The following PRR33 variants were observed in gnomAD, a reference collection of about 807,000 sequenced individuals.
PRR33 encodes the protein proline-rich protein 33.
In PRR33, 1 loss-of-function variant was observed where a neutral mutation model predicts 0.5. The observed-to-expected ratio is 2.18, with a 90% confidence interval of 0.77 to 10.34. The LOEUF (loss-of-function observed/expected upper bound fraction) is 10.34, where lower values mean the gene tolerates loss of function less well. PRR33 is among the 30% of genes most tolerant of loss of function. PRR33 has a pLI of 0.13. For synonymous variants in PRR33, 226 were observed against 110.0 expected, an observed-to-expected ratio of 2.06 and a Z score of -6.60; for missense variants, 552 against 251.8, an observed-to-expected ratio of 2.19 and a Z score of -8.07.
At chr11:1,896,878 T>C (rs543491651), upstream of PRR33, among the ~76,000 whole-genome samples, 229 of 152,368 alleles carry the variant, frequency 1.5e-3, 1 homozygote, top group African/African-American at 5.4e-3. Flanking sequence ...GCTTTTTCTG[T>C]ACTGTTAAAA....
chr11:1,893,015 A>C (rs1433741180), upstream of PRR33, among the ~76,000 whole-genome samples: 7 of 150,492 alleles, frequency 4.7e-5, no homozygotes, highest in Admixed American at 4.6e-4. Context: ...GGATGGATTG[A>C]TGGATGGATG....
At chr11:1,894,094 G>T (rs1241959148), upstream of PRR33, among the ~76,000 whole-genome samples, 85 of 4,678 alleles carry the variant, frequency 0.018, no homozygotes, top group Non-Finnish European at 0.031. Flanking sequence ...GCCTCACTCT[G>T]TTTCCCGGGC....
chr11:1,895,647 C>T (rs1465433106), upstream of PRR33, among the ~76,000 whole-genome samples: 1 of 152,274 alleles, frequency 6.6e-6, no homozygotes, highest in East Asian at 1.9e-4. Context: ...AGATTTTCTC[C>T]TGTGTTTTTA....
chr11:1,901,985 C>T, the PRR33 span, among the ~76,000 whole-genome samples: 5 of 152,280 alleles, frequency 3.3e-5, no homozygotes, highest in Admixed American at 3.3e-4. Context: ...GTAATCCCAG[C>T]ACTTTGGGAG....
chr11:1,901,363 C>T, the PRR33 span, among the ~76,000 whole-genome samples: 5 of 151,630 alleles, frequency 3.3e-5, no homozygotes, highest in South Asian at 6.2e-4. Flanking sequence ...TGTCTCTCAC[C>T]GTCTCAGTCA....
At chr11:1,894,210 G>A (rs1339343725), upstream of PRR33, among the ~76,000 whole-genome samples, 4 of 138,148 alleles carry the variant, frequency 2.9e-5, no homozygotes, top group Non-Finnish European at 4.7e-5. Context: ...TGTTTCCCAG[G>A]CTGGGAGTGT....
At chr11:1,915,695 G>A in the PRR33 span, among the ~76,000 whole-genome samples, 1 of 124,268 alleles carries the variant, frequency 8.0e-6, no homozygotes, top group Non-Finnish European at 1.8e-5. Context: ...CTGTGTGTGT[G>A]TGTGTTGTGG....
chr11:1,914,980 G>A, the PRR33 span, among the ~76,000 whole-genome samples: 2 of 148,728 alleles, frequency 1.3e-5, no homozygotes, highest in South Asian at 2.1e-4. Flanking sequence ...GTGTGTGTTG[G>A]GTGTACAAAC....
chr11:1,917,283 G>A, the PRR33 span, among the ~76,000 whole-genome samples: 1 of 152,320 alleles, frequency 6.6e-6, no homozygotes, highest in South Asian at 2.1e-4. Flanking sequence ...TGCGCACTGG[G>A]TGCTGGGACC....
chr11:1,895,423 G>A (rs528626), upstream of PRR33, among the ~76,000 whole-genome samples: 39,296 of 152,158 alleles, frequency 0.26, 5,757 homozygotes, highest in East Asian at 0.43. Flanking sequence ...GTGAGCCACC[G>A]TGAGAGTTCT....
chr11:1,892,619 G>T (rs1279126052), upstream of PRR33, among the ~76,000 whole-genome samples: 3 of 152,280 alleles, frequency 2.0e-5, no homozygotes, highest in Non-Finnish European at 2.9e-5. Context: ...CTCAGTGAAG[G>T]TTTGGAAAAC....
chr11:1,911,128 T>C, the PRR33 span, among the ~76,000 whole-genome samples: 2 of 152,316 alleles, frequency 1.3e-5, no homozygotes, highest in African/African-American at 4.8e-5. Flanking sequence ...GGTTTGTGGT[T>C]TTTACATCTT....
upstream of PRR33, among the ~76,000 whole-genome samples, chr11:1,895,413 G>A (rs549870815): frequency 3.3e-3 from 503 of 152,304 alleles, 1 homozygote; most frequent in South Asian, 0.011. Flanking sequence ...GATTACAGGC[G>A]TGAGCCACCG....
chr11:1,897,553 C>T, the PRR33 span, among the ~76,000 whole-genome samples: 1 of 152,152 alleles, frequency 6.6e-6, no homozygotes, highest in Admixed American at 6.5e-5. The surrounding 1 kb of genome is among the most constrained non-coding windows in gnomAD (Gnocchi z 4.0). Context: ...TGGTCTGGTC[C>T]GTTGGGGCCT....
At chr11:1,893,341 A>C (rs1164723784), upstream of PRR33, among the ~76,000 whole-genome samples, 2 of 146,270 alleles carry the variant, frequency 1.4e-5, no homozygotes, top group Non-Finnish European at 3.0e-5. Context: ...GGATGAGTGA[A>C]TGGGTAAGCA....
the PRR33 span, among the ~76,000 whole-genome samples, chr11:1,900,880 T>C: frequency 6.6e-6 from 1 of 152,350 alleles, no homozygotes; most frequent in South Asian, 2.1e-4. Flanking sequence ...TTGGATACTA[T>C]AGGGGCCCTT....
At chr11:1,915,249 A>ATG in the PRR33 span, among the ~76,000 whole-genome samples, 1 of 128,002 alleles carries the variant, frequency 7.8e-6, no homozygotes, top group Non-Finnish European at 1.6e-5. Flanking sequence ...TGATATTGCT[A>ATG]TGTGTGTGTG....
exon 1 of PRR33, chr11:1,890,439 T>C: frequency 1.4e-6 from 1 of 717,266 alleles, no homozygotes; most frequent in East Asian, 2.7e-5. Flanking sequence ...TCCCATCATC[T>C]TCTTCCGGGC....
At chr11:1,889,812 A>C (rs1848914486) in exon 1 of PRR33, 1 of 638,328 alleles carries the variant, frequency 1.6e-6, no homozygotes, top group Admixed American at 2.7e-5. Context: ...CTCTCTGGGC[A>C]CTGAGGCCTG....
Sources: allele counts gnomAD v4.1 joint callset (sites outside exome capture counted in the v4.1 genomes callset), GRCh38; gene constraint gnomAD v4.1.1; non-coding constraint Gnocchi (gnomAD v3.1); transcripts MANE v1.5; gene names NCBI Gene and HGNC (gene_info 2026-07-23, HGNC 2026-07-21).